ZNF365: variants seen among roughly 807,000 people sequenced by gnomAD.
ZNF365 encodes protein ZNF365.
Under a neutral mutation model 35.0 loss-of-function variants are expected in ZNF365, and 22 were observed. The observed-to-expected ratio is 0.63, with a 90% confidence interval of 0.45 to 0.90. The LOEUF (loss-of-function observed/expected upper bound fraction) is 0.90, where lower values mean the gene tolerates loss of function less well. ZNF365 is among the 40% of genes least tolerant of loss of function. The pLI, the probability that ZNF365 is intolerant of heterozygous loss-of-function variation, is 0.00. For synonymous variants in ZNF365, 188 were observed against 196.2 expected (o/e 0.96, Z 0.35); for missense variants, 448 against 500.3 (o/e 0.90, Z 1.00).
intron 2 of ZNF365, among the ~76,000 whole-genome samples, chr10:62,381,797 C>A (rs896102304): frequency 6.6e-6 from 1 of 152,162 alleles, no homozygotes; most frequent in African/African-American, 2.4e-5. Flanking sequence ...AATGAGAGGA[C>A]TCTTTGTGAT....
chr10:62,384,452 G>A (rs956915385), intron 2 of ZNF365, among the ~76,000 whole-genome samples: 5 of 152,170 alleles, frequency 3.3e-5, no homozygotes, highest in East Asian at 1.9e-4. Flanking sequence ...ATATGCTAAC[G>A]TAAATAACAT....
At chr10:62,382,252 A>G (rs1309849877) in intron 2 of ZNF365, among the ~76,000 whole-genome samples, 1 of 152,230 alleles carries the variant, frequency 6.6e-6, no homozygotes, top group Non-Finnish European at 1.5e-5. Flanking sequence ...TAAGCAATGT[A>G]GTGTCCAGAC....
At chr10:62,452,646 GA>G (rs530643722) in intron 3 of ZNF365, among the ~76,000 whole-genome samples, 115 of 152,360 alleles carry the variant, frequency 7.5e-4, no homozygotes, top group African/African-American at 2.7e-3. Flanking sequence ...TTATGGAGAA[GA>G]AGGCAGTTTT....
At chr10:62,425,448 A>T (rs1840236707) in intron 3 of ZNF365, among the ~76,000 whole-genome samples, 1 of 152,234 alleles carries the variant, frequency 6.6e-6, no homozygotes, top group Admixed American at 6.5e-5. Flanking sequence ...ATTCCTAATC[A>T]GTAAGAAATG....
chr10:62,427,822 A>T (rs1209194955), intron 3 of ZNF365, among the ~76,000 whole-genome samples: 3 of 152,082 alleles, frequency 2.0e-5, no homozygotes, highest in African/African-American at 7.2e-5. Flanking sequence ...TGCACTGGGG[A>T]TCTTCTCTGT....
chr10:62,387,684 G>A (rs1451058371), intron 2 of ZNF365, among the ~76,000 whole-genome samples: 2 of 152,022 alleles, frequency 1.3e-5, no homozygotes, highest in East Asian at 1.9e-4. Flanking sequence ...GGTTGACCTC[G>A]TGGTAGCTGT....
intron 2 of ZNF365, among the ~76,000 whole-genome samples, chr10:62,379,999 C>T (rs1298619124): frequency 1.3e-5 from 2 of 152,184 alleles, no homozygotes; most frequent in African/African-American, 4.8e-5. Context: ...AAAAAGCAAA[C>T]ATCTATTATT....
At chr10:62,383,652 G>A (rs1036112976) in intron 2 of ZNF365, among the ~76,000 whole-genome samples, 5 of 152,238 alleles carry the variant, frequency 3.3e-5, no homozygotes, top group South Asian at 4.1e-4. Context: ...ACCACAGTGC[G>A]TGAACGCATA....
At chr10:62,396,599 T>C (rs1839731907) in intron 3 of ZNF365, among the ~76,000 whole-genome samples, 1 of 152,176 alleles carries the variant, frequency 6.6e-6, no homozygotes. Context: ...TAAAGTCCTT[T>C]CATATCTTGA....
chr10:62,473,645 T>G (rs1015210671), intron 4 of ZNF365, among the ~76,000 whole-genome samples: 7 of 152,090 alleles, frequency 4.6e-5, no homozygotes, highest in Admixed American at 1.3e-4. Flanking sequence ...AAGGATTAAG[T>G]GGGCTAAAGC....
chr10:62,440,286 T>C (rs1339913368), intron 3 of ZNF365, among the ~76,000 whole-genome samples: 1 of 145,532 alleles, frequency 6.9e-6, no homozygotes, highest in Admixed American at 7.1e-5. Context: ...GTTTGTTACA[T>C]AGGTAAACTT....
intron 4 of ZNF365, among the ~76,000 whole-genome samples, chr10:62,465,484 C>A (rs2132485131): frequency 6.6e-6 from 1 of 152,280 alleles, no homozygotes; most frequent in South Asian, 2.1e-4. Flanking sequence ...GGCTGGGCTG[C>A]CAGTTCCAGG....
intron 4 of ZNF365, chr10:62,479,835 A>G: frequency 7.2e-7 from 1 of 1,397,258 alleles, no homozygotes; most frequent in Admixed American, 1.7e-5. Flanking sequence ...CCTAGATACC[A>G]CTGCAACTCT....
At chr10:62,479,304 T>C (rs550813034) in intron 4 of ZNF365, among the ~76,000 whole-genome samples, 32 of 152,348 alleles carry the variant, frequency 2.1e-4, no homozygotes, top group Admixed American at 3.9e-4. Flanking sequence ...CTGTCATAAT[T>C]ACTCTTAATT....
At chr10:62,480,214 T>C (rs1358290683) in exon 5 of ZNF365, 2 of 1,087,082 alleles carry the variant, frequency 1.8e-6, no homozygotes, top group African/African-American at 1.7e-5. Flanking sequence ...CCCTATGAGA[T>C]AGAGTCATAT....
chr10:62,438,136 A>G (rs933860049), intron 3 of ZNF365, among the ~76,000 whole-genome samples: 1 of 152,110 alleles, frequency 6.6e-6, no homozygotes, highest in African/African-American at 2.4e-5. Context: ...TGAAGATACA[A>G]TGGAGAACAG....
At position 62,400,783 on chromosome 10, in the gene ZNF365, G is replaced by A; in HGVS notation, c.*994G>A. On this transcript the variant is annotated 3_prime_UTR_variant, in exon 5 of 5. Transcript: ENST00000395254. ...TCTTCGCTGGCTTAACTTTTCCACT[G>A]GGTGGTTCACTTTGCCTCCTGCTGC... The A allele has an allele frequency of 1.0e-6, 1 of 983,028 alleles. No individual in the cohort carries two copies. The highest frequency in any genetic ancestry group is 1.2e-6 in the Non-Finnish European group (1 of 829,674). The allele number at this position is 983,028 out of a possible 1,614,324, so 60.9% of individuals were successfully genotyped here.
downstream of ZNF365, among the ~76,000 whole-genome samples, chr10:62,405,171 G>T (rs964440799): frequency 6.6e-6 from 1 of 152,170 alleles, no homozygotes; most frequent in African/African-American, 2.4e-5. Context: ...CTCATCTGGT[G>T]TTCAGTTAAA....
At chr10:62,461,806 A>T (rs1357669572) in intron 4 of ZNF365, among the ~76,000 whole-genome samples, 1 of 152,236 alleles carries the variant, frequency 6.6e-6, no homozygotes, top group African/African-American at 2.4e-5. Context: ...TCTTACAAAA[A>T]AATTAAATTA....
Sources: allele counts gnomAD v4.1 joint callset (sites outside exome capture counted in the v4.1 genomes callset), GRCh38; gene constraint gnomAD v4.1.1; transcripts MANE v1.5; gene names NCBI Gene and HGNC (gene_info 2026-07-23, HGNC 2026-07-21).